The following UBE2N variants were observed in gnomAD, a reference collection of about 807,000 sequenced individuals.
UBE2N encodes ubiquitin-conjugating enzyme E2 N.
For missense variants in UBE2N, 60 were observed against 192.1 expected (o/e 0.31, Z 4.07); for synonymous variants, 70 against 69.2 (o/e 1.01, Z -0.06).
intron 1 of UBE2N, among the ~76,000 whole-genome samples, chr12:93,413,978 A>G (rs1878115408): frequency 6.6e-6 from 1 of 151,664 alleles, no homozygotes; most frequent in Non-Finnish European, 1.5e-5. Context: ...CCTGATCAAC[A>G]TGGAGAAATC....
At chr12:93,418,872 C>CAAATT (rs1187441559) in intron 1 of UBE2N, among the ~76,000 whole-genome samples, 1 of 152,108 alleles carries the variant, frequency 6.6e-6, no homozygotes, top group Non-Finnish European at 1.5e-5. Context: ...GCCCACTGTG[C>CAAATT]AAATTACACT....
At chr12:93,436,187 A>G (rs7295360) in intron 1 of UBE2N, among the ~76,000 whole-genome samples, 18,493 of 152,136 alleles carry the variant, frequency 0.12, 1,187 homozygotes, top group Middle Eastern at 0.17. Context: ...CTGCAGCCTC[A>G]ACTTCCTGGG....
intron 1 of UBE2N, among the ~76,000 whole-genome samples, chr12:93,440,482 C>T (rs1162946159): frequency 1.3e-5 from 2 of 152,230 alleles, no homozygotes; most frequent in East Asian, 3.8e-4. Flanking sequence ...TCTACATCAG[C>T]ACCCTTAGGT....
chr12:93,422,793 T>C (rs989267877), intron 1 of UBE2N, among the ~76,000 whole-genome samples: 15 of 152,174 alleles, frequency 9.9e-5, no homozygotes, highest in Admixed American at 9.2e-4. Context: ...TATGTGTAAT[T>C]TTAGTCATTT....
intron 1 of UBE2N, among the ~76,000 whole-genome samples, chr12:93,439,062 A>G (rs1879020092): frequency 6.6e-6 from 1 of 152,258 alleles, no homozygotes; most frequent in South Asian, 2.1e-4. Context: ...TACAAATGTA[A>G]ATAGTGATCA....
intron 3 of UBE2N, 63 bp from the exon 4 acceptor site, chr12:93,410,142 T>C: frequency 6.7e-7 from 1 of 1,494,892 alleles, no homozygotes; most frequent in Non-Finnish European, 9.3e-7. Flanking sequence ...CTTTCCAAAC[T>C]ATAAATGGCA....
At chr12:93,441,818 G>C (rs374035651) in intron 1 of UBE2N, 37 bp downstream of exon 1, 4 of 1,579,056 alleles carry the variant, frequency 2.5e-6, no homozygotes, top group Non-Finnish European at 3.4e-6. Flanking sequence ...GCCGACGAGA[G>C]CAGAGCGAAG....
rs537965306 is a variant in UBE2N at position 93,435,019 on chromosome 12, C to T, written c.30+6836G>A. Reference sequence around the variant, plus strand: ...CTCCTGGATTCAAGGGATCTTCCTGCCTCAGTCTTCTGTTAGGATTACTGC... The same window carrying T: ...CTCCTGGATTCAAGGGATCTTCCTGTCTCAGTCTTCTGTTAGGATTACTGC... On this transcript the variant is annotated intron_variant, in intron 1 of 3. Transcript: ENST00000318066. Among the ~76,000 whole-genome samples the T allele has an allele frequency of 4.6e-5, 7 of 152,234 alleles. No individual in the cohort carries two copies. The South Asian group carries it at 1.5e-3, about 32-fold the overall frequency.
rs568805928 is a variant in UBE2N at position 93,411,424 on chromosome 12, T to TA, written c.31-126dup. 1.5e-5 allele frequency: 20 copies of TA among 1,364,546 alleles called. No individual in the cohort carries two copies. In the East Asian group the frequency reaches 4.8e-4, roughly 33 times the overall value. 84.5% of individuals were successfully genotyped at this position (1,364,546 alleles called of 1,614,324 possible). Reference sequence around the variant, plus strand: ...AACAGCTCCAATCTCCCAACAGATTTAGCTTATAAAATGCAAAATTCAAAA... The same window carrying TA: ...AACAGCTCCAATCTCCCAACAGATTTAAGCTTATAAAATGCAAAATTCAAAA... On this transcript the variant is annotated intron_variant, in intron 1 of 3. Coordinates refer to ENST00000318066, the MANE Select transcript of UBE2N (RefSeq NM_003348.4).
chr12:93,432,737 T>C (rs531416847), intron 1 of UBE2N, among the ~76,000 whole-genome samples: 46 of 151,884 alleles, frequency 3.0e-4, no homozygotes, highest in Middle Eastern at 3.4e-3. Flanking sequence ...AAAAAAAAAA[T>C]TGAAAATCTA....
intron 1 of UBE2N, among the ~76,000 whole-genome samples, chr12:93,429,694 A>G (rs1022556253): frequency 1.3e-5 from 2 of 152,234 alleles, no homozygotes; most frequent in African/African-American, 2.4e-5. Flanking sequence ...TTCGAGTAGG[A>G]CAAGAGGAGC....
intron 1 of UBE2N, among the ~76,000 whole-genome samples, chr12:93,426,390 CAAAAAAAAA>C (rs57644203): frequency 9.9e-6 from 1 of 101,246 alleles, no homozygotes; most frequent in African/African-American, 3.7e-5. Context: ...AAACTGCATC[CAAAAAAAAA>C]AAAAAAAAAG....
At chr12:93,422,125 T>C (rs1016138789) in intron 1 of UBE2N, among the ~76,000 whole-genome samples, 2 of 152,194 alleles carry the variant, frequency 1.3e-5, no homozygotes, top group African/African-American at 2.4e-5. Context: ...TTTCCAAATA[T>C]TGGCATCACA....
chr12:93,437,251 G>C (rs140930920), intron 1 of UBE2N, among the ~76,000 whole-genome samples: 5 of 152,016 alleles, frequency 3.3e-5, no homozygotes, highest in South Asian at 2.1e-4. Flanking sequence ...TGAAGGTAGA[G>C]ATCACCTGAT....
At chr12:93,420,041 T>G (rs182717152) in intron 1 of UBE2N, among the ~76,000 whole-genome samples, 1 of 152,312 alleles carries the variant, frequency 6.6e-6, no homozygotes, top group African/African-American at 2.4e-5. Context: ...CCCTTGTTCT[T>G]TCTTTTCCCT....
At position 93,410,890 on chromosome 12, in the gene UBE2N, G is replaced by A. The variant is rs1181147249; in HGVS notation, c.278-16C>T. On this transcript the variant is annotated splice_polypyrimidine_tract_variant and intron_variant, in intron 2 of 3. Coordinates refer to ENST00000318066, the MANE Select transcript of UBE2N (RefSeq NM_003348.4). The stretch of plus-strand genomic sequence containing the variant: ...GACCACTTATCTATGAAGGCAACAG[G>A]CCCAGTATGATAAAGCATGAAAAAA... 2 of 1,614,052 alleles carry A rather than the reference G, an allele frequency of 1.2e-6. No homozygotes were observed. Among genetic ancestry groups the A allele is most frequent in the Admixed American group, 3.3e-5 (2 of 60,006 alleles).
At chr12:93,437,974 G>C (rs1878985379) in intron 1 of UBE2N, among the ~76,000 whole-genome samples, 1 of 152,192 alleles carries the variant, frequency 6.6e-6, no homozygotes, top group South Asian at 2.1e-4. Context: ...TAATGTAAAA[G>C]ATTGATGTCC....
chr12:93,430,815 A>T (rs182126745), intron 1 of UBE2N, among the ~76,000 whole-genome samples: 105 of 148,132 alleles, frequency 7.1e-4, no homozygotes, highest in Admixed American at 2.5e-3. Flanking sequence ...TATATATATA[A>T]AAAATTTTTT....
intron 1 of UBE2N, among the ~76,000 whole-genome samples, chr12:93,417,729 G>A (rs564487767): frequency 6.6e-6 from 1 of 152,260 alleles, no homozygotes; most frequent in African/African-American, 2.4e-5. Flanking sequence ...ACTGAGTGAT[G>A]CTTCAATGAT....
Sources: allele counts gnomAD v4.1 joint callset (sites outside exome capture counted in the v4.1 genomes callset), GRCh38; gene constraint gnomAD v4.1.1; transcripts MANE v1.5; gene names NCBI Gene and HGNC (gene_info 2026-07-23, HGNC 2026-07-21).